Variants in GABRB2 observed in about 807,000 individuals in gnomAD.
The protein encoded by GABRB2 is gamma-aminobutyric acid receptor subunit beta-2.
GABRB2 carries 16 observed loss-of-function variants against 54.7 expected under a neutral mutation model. The ratio of observed to expected loss-of-function variants is 0.29; its 90% confidence interval spans 0.20 to 0.44. The LOEUF (loss-of-function observed/expected upper bound fraction) is 0.44. Ranked by LOEUF, GABRB2 falls within the 20% of genes least tolerant of loss-of-function variation. GABRB2 has a pLI of 1.00. For missense variants in GABRB2, 355 were observed against 644.0 expected, an observed-to-expected ratio of 0.55 and a Z score of 4.86; for synonymous variants, 244 against 233.8, an observed-to-expected ratio of 1.04 and a Z score of -0.40.
intron 5 of GABRB2, among the ~76,000 whole-genome samples, chr5:161,384,500 C>T (rs1242389843): frequency 1.3e-5 from 2 of 152,116 alleles, no homozygotes; most frequent in South Asian, 4.1e-4. Flanking sequence ...CAACTTCATT[C>T]CTTTATCCAG....
Position 161,336,614 on chromosome 5 carries a change from C to G in GABRB2, c.679+18G>C, listed in dbSNP as rs557331656. On this transcript the variant is annotated intron_variant, in intron 6 of 9. Coordinates refer to ENST00000393959, the MANE Select transcript of GABRB2 (RefSeq NM_001371727.1). ...CGGTGAAGATTATTTTCCCTTAACA[C>G]TTTTCCATGATACAAACCTGTGGAA... The G allele has an allele frequency of 1.9e-6, 3 of 1,610,548 alleles. No individual in the cohort carries two copies. Among genetic ancestry groups the G allele is most frequent in the Non-Finnish European group, 2.5e-6 (3 of 1,177,972 alleles).
intron 4 of GABRB2, among the ~76,000 whole-genome samples, chr5:161,441,022 A>G (rs1400201680): frequency 6.6e-6 from 1 of 152,218 alleles, no homozygotes; most frequent in Non-Finnish European, 1.5e-5. Flanking sequence ...ACAAGAAAAC[A>G]TTGGGGAAAA....
intron 9 of GABRB2, among the ~76,000 whole-genome samples, chr5:161,311,051 C>A (rs372419306): frequency 6.6e-6 from 1 of 152,168 alleles, no homozygotes; most frequent in African/African-American, 2.4e-5. Flanking sequence ...TGAGCCACCA[C>A]GCCTGGCCGT....
At position 161,546,595 on chromosome 5, in the gene GABRB2, AG is replaced by A; in HGVS notation, c.48del (p.Leu17Ter). The A allele has an allele frequency of 6.2e-7, 1 of 1,601,040 alleles. No homozygotes were observed. ...KRGYFGIWSF[P>X]LIIAAVCAQS... Reference sequence around the variant, plus strand: ...TGCGCACAGACAGCGGCGATTATTAAGGGGAAGGACCAAATCCCAAAGTAGC... The same window carrying A: ...TGCGCACAGACAGCGGCGATTATTAAGGGAAGGACCAAATCCCAAAGTAGC... On this transcript the variant is annotated frameshift_variant, in exon 1 of 10. Coordinates refer to ENST00000393959, the MANE Select transcript of GABRB2 (RefSeq NM_001371727.1). LOFTEE classifies it high-confidence loss of function.
At chr5:161,517,038 C>T (rs1385927862) in intron 3 of GABRB2, among the ~76,000 whole-genome samples, 1 of 152,138 alleles carries the variant, frequency 6.6e-6, no homozygotes, top group African/African-American at 2.4e-5. Context: ...ATGCCCTGTT[C>T]TGCTCTGTGA....
At chr5:161,361,677 G>T (rs1465552188) in intron 5 of GABRB2, among the ~76,000 whole-genome samples, 1 of 152,132 alleles carries the variant, frequency 6.6e-6, no homozygotes, top group African/African-American at 2.4e-5. Context: ...CAGGTCCATG[G>T]CTTGTGTTTT....
chr5:161,523,472 G>A (rs1760178198), intron 3 of GABRB2, among the ~76,000 whole-genome samples: 1 of 151,406 alleles, frequency 6.6e-6, no homozygotes, highest in Non-Finnish European at 1.5e-5. Flanking sequence ...ACTCTGACAG[G>A]CCACATTAGT....
intron 5 of GABRB2, among the ~76,000 whole-genome samples, chr5:161,352,711 G>C (rs1265022674): frequency 6.6e-6 from 1 of 151,848 alleles, no homozygotes; most frequent in Non-Finnish European, 1.5e-5. Context: ...TGTTCTCATT[G>C]CAAAAAATAA....
At chr5:161,438,070 T>C (rs762159921) in intron 4 of GABRB2, among the ~76,000 whole-genome samples, 28 of 151,984 alleles carry the variant, frequency 1.8e-4, no homozygotes, top group Non-Finnish European at 3.2e-4. Context: ...AGCCAGGGAG[T>C]GGCTACAGCA....
intron 3 of GABRB2, among the ~76,000 whole-genome samples, chr5:161,478,044 T>TCCAAG (rs1758649182): frequency 6.6e-6 from 1 of 152,030 alleles, no homozygotes; most frequent in Non-Finnish European, 1.5e-5. Context: ...TACGTAGTTA[T>TCCAAG]TTAGCAAACT....
intron 3 of GABRB2, among the ~76,000 whole-genome samples, chr5:161,543,621 A>G (rs1471987767): frequency 6.6e-6 from 1 of 152,196 alleles, no homozygotes; most frequent in Non-Finnish European, 1.5e-5. Context: ...CCTGATTTCT[A>G]TATTACTTTG....
intron 8 of GABRB2, among the ~76,000 whole-genome samples, chr5:161,329,220 T>C (rs1259382210): frequency 6.6e-6 from 1 of 152,220 alleles, no homozygotes; most frequent in Non-Finnish European, 1.5e-5. Context: ...CATTTTGAAG[T>C]CCTATGAGAT....
chr5:161,460,855 G>A (rs1047185785), intron 3 of GABRB2, among the ~76,000 whole-genome samples: 2 of 152,042 alleles, frequency 1.3e-5, no homozygotes, highest in African/African-American at 2.4e-5. Context: ...TATCTAACTG[G>A]AATGGTGACA....
At chr5:161,477,284 C>A (rs1758621937) in intron 3 of GABRB2, among the ~76,000 whole-genome samples, 6 of 127,848 alleles carry the variant, frequency 4.7e-5, no homozygotes, top group African/African-American at 8.6e-5. Flanking sequence ...CAAACAAAAG[C>A]AAAAAAAAAA....
chr5:161,340,920 G>T (rs1223969968), intron 5 of GABRB2, among the ~76,000 whole-genome samples: 1 of 151,928 alleles, frequency 6.6e-6, no homozygotes, highest in East Asian at 1.9e-4. Flanking sequence ...GATGTTTTGG[G>T]TTTTGGAATC....
chr5:161,361,941 T>G (rs1754822790), intron 5 of GABRB2, among the ~76,000 whole-genome samples: 1 of 152,202 alleles, frequency 6.6e-6, no homozygotes, highest in Admixed American at 6.5e-5. Flanking sequence ...CCATCTTGAG[T>G]TAATTTTTGC....
At chr5:161,433,863 T>A (rs1442236174) in intron 4 of GABRB2, among the ~76,000 whole-genome samples, 3 of 152,182 alleles carry the variant, frequency 2.0e-5, no homozygotes, top group Non-Finnish European at 4.4e-5. Context: ...TATCTTCCTA[T>A]GTTTCTGTGA....
intron 4 of GABRB2, among the ~76,000 whole-genome samples, chr5:161,416,661 C>T (rs1756676131): frequency 7.7e-6 from 1 of 129,426 alleles, no homozygotes; most frequent in Non-Finnish European, 1.6e-5. Flanking sequence ...CGCGCCGCTG[C>T]ACTCCAGCCT....
intron 9 of GABRB2, 83 bp from the exon 10 acceptor site, chr5:161,294,511 T>C: frequency 8.5e-7 from 1 of 1,183,086 alleles, no homozygotes; most frequent in Non-Finnish European, 1.2e-6. Flanking sequence ...TGATCGGCAC[T>C]TAAGGGATTT....
Sources: allele counts gnomAD v4.1 joint callset (sites outside exome capture counted in the v4.1 genomes callset), GRCh38; gene constraint gnomAD v4.1.1; transcripts MANE v1.5; gene names NCBI Gene and HGNC (gene_info 2026-07-23, HGNC 2026-07-21).